Variants in NOXRED1 observed in about 807,000 individuals in gnomAD.
The protein encoded by NOXRED1 is NADP-dependent oxidoreductase domain-containing protein 1.
A neutral mutation model predicts 30.4 loss-of-function variants in NOXRED1; 20 were observed. The observed-to-expected ratio is 0.66, with a 90% CI of 0.46 to 0.96. The LOEUF (loss-of-function observed/expected upper bound fraction) is 0.96. Among genes scored for constraint, NOXRED1 ranks in the 40% least tolerant of loss-of-function variants. The pLI, the probability that NOXRED1 is intolerant of heterozygous loss-of-function variation, is 0.00. For synonymous variants in NOXRED1, 155 were observed against 168.0 expected (o/e 0.92, Z 0.60); for missense variants, 374 against 428.0 (o/e 0.87, Z 1.11).
chr14:77,413,361 C>T (rs1413886781), intron 2 of NOXRED1, among the ~76,000 whole-genome samples: 9 of 151,794 alleles, frequency 5.9e-5, no homozygotes, highest in African/African-American at 2.2e-4. Flanking sequence ...GCGTCAGCCT[C>T]CTGAGTAGCT....
chr14:77,406,879 G>T lies in NOXRED1; in HGVS notation c.531-4C>A, dbSNP rs1894483928. The T allele has an allele frequency of 6.2e-7, 1 of 1,612,208 alleles. No homozygotes were observed. Among genetic ancestry groups the T allele is most frequent in the African/African-American group, 1.3e-5 (1 of 74,828 alleles). ...GTGGTTCAACAGTAGTTTCAGCCTG[G>T]AAGTAAAGCCAAGACAGGGAGTGCA... On this transcript the variant is annotated splice_region_variant and splice_polypyrimidine_tract_variant and intron_variant, in intron 3 of 5. Coordinates refer to ENST00000380835, the MANE Select transcript of NOXRED1 (RefSeq NM_001113475.3).
rs1894485908 is a variant in NOXRED1, at chr14:77,406,958, C to T, written c.531-83G>A. 3.3e-6 allele frequency: 4 copies of T among 1,200,704 alleles called. No individual in the cohort carries two copies. The East Asian group carries it at 7.6e-5, about 23-fold the overall frequency. The allele number at this position is 1,200,704 out of a possible 1,614,324, so 74.4% of individuals were successfully genotyped here. ...AACCCACTGTGTTTACATCCAACCC[C>T]ATCAACAGACTCCCCCACACAGCTC... On this transcript the variant is annotated intron_variant, in intron 3 of 5. Coordinates refer to ENST00000380835, the MANE Select transcript of NOXRED1 (RefSeq NM_001113475.3).
chr14:77,394,358 A>AT lies in NOXRED1; in HGVS notation c.*272dup. The AT allele has an allele frequency of 3.7e-6, 1 of 269,598 alleles. No individual in the cohort carries two copies. Among genetic ancestry groups the AT allele is most frequent in the Non-Finnish European group, 6.9e-6 (1 of 145,010 alleles). 16.7% of individuals were successfully genotyped at this position (269,598 alleles called of 1,614,324 possible). A position where few individuals can be genotyped will look rare whatever the true frequency, so the allele number is the denominator to read the frequency against. Reference sequence around the variant, plus strand: ...TAATTTTAGAAGAGAAATAATTTGTATTAACAAGACTTTTCTGCGGGAGCA... The same window carrying AT: ...TAATTTTAGAAGAGAAATAATTTGTATTTAACAAGACTTTTCTGCGGGAGCA... On this transcript the variant is annotated 3_prime_UTR_variant, in exon 6 of 6. Transcript: ENST00000380835.
chr14:77,411,370 T>C (rs1263960617), intron 2 of NOXRED1, among the ~76,000 whole-genome samples: 1 of 147,054 alleles, frequency 6.8e-6, no homozygotes, highest in Non-Finnish European at 1.5e-5. Context: ...CTTGGGAGGC[T>C]GGGGCAGGAG....
chr14:77,406,590 TACAC>T (rs56942412), intron 4 of NOXRED1, 130 bp downstream of exon 4: 25,234 of 761,790 alleles, frequency 0.033, 156 homozygotes, highest in Non-Finnish European at 0.037. Flanking sequence ...CCTTGTGCCT[TACAC>T]ACACACACAC....
At chr14:77,404,958 G>A (rs551699317) in intron 5 of NOXRED1, among the ~76,000 whole-genome samples, 1 of 152,300 alleles carries the variant, frequency 6.6e-6, no homozygotes, top group African/African-American at 2.4e-5. Flanking sequence ...CTCATATGCT[G>A]TTGGTAGAAA....
chr14:77,400,983 A>G (rs914188747), intron 5 of NOXRED1, among the ~76,000 whole-genome samples: 2 of 152,224 alleles, frequency 1.3e-5, no homozygotes, highest in Non-Finnish European at 2.9e-5. Context: ...ACTCAATACT[A>G]TAAAGATGCC....
chr14:77,414,089 G>A lies in NOXRED1; in HGVS notation c.194C>T (p.Ser65Leu). 1 of 1,605,080 alleles carries A rather than the reference G, an allele frequency of 6.2e-7. No individual in the cohort carries two copies. Among genetic ancestry groups the A allele is most frequent in the African/African-American group, 1.3e-5 (1 of 74,834 alleles). Residue 65 changes from serine to leucine, a missense_variant, in exon 2 of 6, where the codon TCA (serine) becomes TTA (leucine). Ser to Leu is a moderately radical substitution (Grantham distance 145). Transcript: ENST00000380835. The part of the protein sequence containing the change: ...LNKNQSSRHL[S>L]IGSLNSATPE... ...AGTGGCTGAATTAAGGGAGCCAATT[G>A]AGAGATGTCTGGAACTTTGATTCTT...
chr14:77,403,423 C>A (rs1250866303), intron 5 of NOXRED1, among the ~76,000 whole-genome samples: 1 of 152,166 alleles, frequency 6.6e-6, no homozygotes, highest in Non-Finnish European at 1.5e-5. Context: ...CACCCCTACT[C>A]CTTTACCCCC....
intron 1 of NOXRED1, among the ~76,000 whole-genome samples, chr14:77,414,818 G>T (rs33915834): frequency 0.17 from 25,831 of 151,912 alleles, 2,474 homozygotes; most frequent in Middle Eastern, 0.28. Flanking sequence ...ACACATTGTG[G>T]GCCAGTCCCC....
chr14:77,407,440 T>C, intron 3 of NOXRED1, 25 bp downstream of exon 3: 1 of 1,573,820 alleles, frequency 6.4e-7, no homozygotes, highest in Non-Finnish European at 8.7e-7. Flanking sequence ...GTTGTGCCAG[T>C]TCCATTCTCA....
chr14:77,409,384 G>A (rs373336281), intron 2 of NOXRED1, among the ~76,000 whole-genome samples: 1 of 152,246 alleles, frequency 6.6e-6, no homozygotes, highest in East Asian at 1.9e-4. Flanking sequence ...ACTTTCCCCT[G>A]TGTGCTCTCT....
intron 2 of NOXRED1, among the ~76,000 whole-genome samples, chr14:77,410,484 C>T (rs1202205992): frequency 2.0e-5 from 3 of 151,794 alleles, no homozygotes; most frequent in Non-Finnish European, 4.4e-5. Flanking sequence ...TGGTGTGTGC[C>T]TGTAATCCCA....
At chr14:77,401,146 G>A (rs895698759) in intron 5 of NOXRED1, among the ~76,000 whole-genome samples, 9 of 151,638 alleles carry the variant, frequency 5.9e-5, no homozygotes, top group African/African-American at 1.9e-4. Context: ...AGGCCGAGGT[G>A]GGTGGATCAC....
chr14:77,414,304 C>A (rs1389583033), intron 1 of NOXRED1, among the ~76,000 whole-genome samples, 177 bp from the exon 2 acceptor site: 2 of 151,710 alleles, frequency 1.3e-5, no homozygotes, highest in Non-Finnish European at 2.9e-5. Flanking sequence ...GCCTGTCTCC[C>A]GAGTAGCTGG....
At position 77,402,118 on chromosome 14, in the gene NOXRED1, T is replaced by A. The variant is rs537510210; in HGVS notation, c.905+3795A>T. 5.3e-5 allele frequency among the ~76,000 whole-genome samples: 8 copies of A among 152,314 alleles called. No individual in the cohort carries two copies. In the South Asian group the frequency reaches 1.7e-3, roughly 32 times the overall value. ...ATCTAGATGATCTTGGCTTTGGCAG[T>A]GACTTTATAGTTGTTAACACCAAAG... On this transcript the variant is annotated intron_variant, in intron 5 of 5. Coordinates refer to ENST00000380835, the MANE Select transcript of NOXRED1 (RefSeq NM_001113475.3).
intron 5 of NOXRED1, among the ~76,000 whole-genome samples, chr14:77,401,458 G>A (rs146517278): frequency 0.019 from 2,961 of 152,292 alleles, 90 homozygotes; most frequent in African/African-American, 0.067. Flanking sequence ...CACTTTGGGA[G>A]GCTGAGGCAG....
At chr14:77,420,323 T>C (rs1476067186) in intron 1 of NOXRED1, among the ~76,000 whole-genome samples, 1 of 152,104 alleles carries the variant, frequency 6.6e-6, no homozygotes, top group Non-Finnish European at 1.5e-5. Flanking sequence ...TTAGTTTCTC[T>C]TTATGATATT....
intron 2 of NOXRED1, among the ~76,000 whole-genome samples, chr14:77,407,883 T>C (rs1894523006): frequency 7.0e-6 from 1 of 143,506 alleles, no homozygotes; most frequent in African/African-American, 2.6e-5. Flanking sequence ...TTTTTTTTTT[T>C]TTGAGACGGA....
Sources: allele counts gnomAD v4.1 joint callset (sites outside exome capture counted in the v4.1 genomes callset), GRCh38; gene constraint gnomAD v4.1.1; transcripts MANE v1.5; gene names NCBI Gene and HGNC (gene_info 2026-07-23, HGNC 2026-07-21).